The following TRIM9 variants were observed in gnomAD, a reference collection of about 807,000 sequenced individuals.
TRIM9 encodes E3 ubiquitin-protein ligase TRIM9.
TRIM9 carries 26 observed loss-of-function variants against 78.3 expected under a neutral mutation model. The observed-to-expected ratio is 0.33, with a 90% CI of 0.24 to 0.46. The LOEUF is 0.46. TRIM9 is among the 20% of genes least tolerant of loss of function. The pLI, the probability that TRIM9 is intolerant of heterozygous loss-of-function variation, is 1.00. For missense variants in TRIM9, 787 were observed against 1,036.4 expected, an observed-to-expected ratio of 0.76 and a Z score of 3.30; for synonymous variants, 398 against 416.5, an observed-to-expected ratio of 0.96 and a Z score of 0.54.
At chr14:51,029,744 T>C (rs1327625062) in intron 1 of TRIM9, among the ~76,000 whole-genome samples, 2 of 151,236 alleles carry the variant, frequency 1.3e-5, no homozygotes, top group African/African-American at 4.8e-5. Context: ...ATCACCTCCC[T>C]GCCATTTTGC....
chr14:50,998,229 C>G (rs778663711), intron 6 of TRIM9, 41 bp from the exon 7 acceptor site: 2 of 1,598,288 alleles, frequency 1.3e-6, no homozygotes, highest in Non-Finnish European at 8.6e-7. Context: ...TAGCCTGCCC[C>G]CTTCTGAGGG....
intron 11 of TRIM9, 85 bp downstream of exon 11, chr14:50,981,715 C>T: frequency 6.5e-7 from 1 of 1,545,132 alleles, no homozygotes; most frequent in East Asian, 2.3e-5. Flanking sequence ...TGAATGTGGT[C>T]TATGTAATAG....
At chr14:51,077,386 GTTTTTTTTT>G (rs146912763) in intron 1 of TRIM9, among the ~76,000 whole-genome samples, 2 of 97,704 alleles carry the variant, frequency 2.0e-5, no homozygotes, top group Non-Finnish European at 3.8e-5. Flanking sequence ...CTCCAATTCT[GTTTTTTTTT>G]TTTTTTTTTT....
At chr14:50,979,221 A>C in intron 12 of TRIM9, 166 bp downstream of exon 12, 2 of 1,470,432 alleles carry the variant, frequency 1.4e-6, no homozygotes, top group Non-Finnish European at 9.0e-7. Context: ...GGCGTGGAAT[A>C]AAATAAGTTG....
chr14:51,065,152 G>A (rs2061637410), intron 1 of TRIM9, among the ~76,000 whole-genome samples: 1 of 152,136 alleles, frequency 6.6e-6, no homozygotes, highest in Non-Finnish European at 1.5e-5. Flanking sequence ...CATAAATTTA[G>A]GGATTACATA....
rs535938136 is a variant in TRIM9, at chr14:51,059,741, T to C, written c.822+34377A>G. Among the ~76,000 whole-genome samples, 1,028 of 148,828 alleles carry C rather than the reference T, an allele frequency of 6.9e-3. 17 individuals carry two copies. Among genetic ancestry groups the C allele is most frequent in the African/African-American group, 0.024 (989 of 40,428 alleles). Reference sequence around the variant, plus strand: ...TGAACCTGGGAGGCAGAGGTTGCAGTGAGCCAAGATCGTGCCACTGCACTC... The same window carrying C: ...TGAACCTGGGAGGCAGAGGTTGCAGCGAGCCAAGATCGTGCCACTGCACTC... On this transcript the variant is annotated intron_variant, in intron 1 of 12. Coordinates refer to ENST00000684578, the MANE Select transcript of TRIM9 (RefSeq NM_001387360.1).
chr14:51,055,825 T>C (rs937874847), intron 1 of TRIM9, among the ~76,000 whole-genome samples: 35 of 152,216 alleles, frequency 2.3e-4, no homozygotes, highest in Admixed American at 2.2e-3. Flanking sequence ...ACTAATACAA[T>C]GTACATTTTA....
chr14:51,037,723 T>C (rs1467174571), intron 1 of TRIM9, among the ~76,000 whole-genome samples: 1 of 152,112 alleles, frequency 6.6e-6, no homozygotes, highest in Non-Finnish European at 1.5e-5. Flanking sequence ...AAAAATTTTT[T>C]TTCAAGAACA....
chr14:51,016,623 T>C (rs942127076), intron 3 of TRIM9, among the ~76,000 whole-genome samples: 1 of 152,008 alleles, frequency 6.6e-6, no homozygotes, highest in Non-Finnish European at 1.5e-5. Context: ...TTAATGATAC[T>C]ATGCCATTTT....
In TRIM9 at chr14:51,000,403, G is replaced by A. The variant is rs1412529913; in HGVS notation, c.1464+280C>T. On this transcript the variant is annotated intron_variant, in intron 6 of 12. Transcript: ENST00000684578. ...CTCAAAGGGGTGATAATTAGGCATT[G>A]TCCACATAGCTAGGGTGGAGGAGAC... Among the ~76,000 whole-genome samples the A allele has an allele frequency of 2.0e-5, 3 of 152,200 alleles. No homozygotes were observed. The East Asian group carries it at 5.8e-4, about 29-fold the overall frequency.
chr14:51,000,537 C>T, intron 6 of TRIM9, 146 bp downstream of exon 6: 1 of 1,058,910 alleles, frequency 9.4e-7, no homozygotes, highest in Admixed American at 2.6e-5. Context: ...AGGGAGAAAG[C>T]AGGCTTCAGG....
chr14:50,979,102 G>A, intron 12 of TRIM9: 1 of 1,348,038 alleles, frequency 7.4e-7, no homozygotes, highest in Non-Finnish European at 9.5e-7. Flanking sequence ...CTATTTAGAG[G>A]TGAAACTAGA....
intron 4 of TRIM9, 87 bp from the exon 5 acceptor site, chr14:51,009,320 C>T (rs1266661661): frequency 6.5e-7 from 1 of 1,530,224 alleles, no homozygotes; most frequent in Non-Finnish European, 8.9e-7. Flanking sequence ...AGGAGCATTA[C>T]TCCCAAACTG....
chr14:51,037,129 C>G (rs576071492), intron 1 of TRIM9, among the ~76,000 whole-genome samples: 1 of 152,288 alleles, frequency 6.6e-6, no homozygotes, highest in East Asian at 1.9e-4. Context: ...CATCACCTCA[C>G]TACATTCCTC....
chr14:51,014,710 C>T (rs1339950553), intron 3 of TRIM9, among the ~76,000 whole-genome samples: 3 of 152,220 alleles, frequency 2.0e-5, no homozygotes, highest in Non-Finnish European at 4.4e-5. Context: ...TTGCGTTACT[C>T]ATACCACATT....
intron 1 of TRIM9, among the ~76,000 whole-genome samples, chr14:51,075,238 G>A (rs1261181370): frequency 6.6e-6 from 1 of 152,120 alleles, no homozygotes; most frequent in Non-Finnish European, 1.5e-5. Context: ...ACCCTATTTA[G>A]CCACTGCTAT....
intron 7 of TRIM9, among the ~76,000 whole-genome samples, chr14:50,991,053 TC>T (rs1395077139): frequency 6.6e-6 from 1 of 152,212 alleles, no homozygotes; most frequent in Non-Finnish European, 1.5e-5. Context: ...TTGAAAACCT[TC>T]TTTTAGAAGA....
chr14:51,089,241 G>C (rs187379677), intron 1 of TRIM9: 3 of 152,284 alleles, frequency 2.0e-5, no homozygotes, highest in Non-Finnish European at 4.4e-5. Flanking sequence ...TGATAAAACT[G>C]ATAAACAAAT....
intron 1 of TRIM9, chr14:51,090,912 T>C (rs895049920): frequency 2.6e-5 from 4 of 152,220 alleles, no homozygotes; most frequent in African/African-American, 7.2e-5. Flanking sequence ...TCAGTGACTA[T>C]TGAAACCCCA....
Sources: gnomAD v4.1 joint callset for allele counts (sites outside exome capture counted in the v4.1 genomes callset) on GRCh38, gnomAD v4.1.1 for gene constraint, MANE v1.5 for transcripts, NCBI Gene and HGNC (gene_info 2026-07-23, HGNC 2026-07-21) for gene names.